CSMD1: variants seen among roughly 807,000 people sequenced by gnomAD.
CSMD1 encodes the protein CUB and sushi domain-containing protein 1.
In CSMD1, 213 loss-of-function variants were observed where a neutral mutation model predicts 417.5. The ratio of observed to expected loss-of-function variants is 0.51; its 90% confidence interval spans 0.46 to 0.57. CSMD1 has a LOEUF of 0.57. Ranked by LOEUF, CSMD1 falls within the 20% of genes least tolerant of loss-of-function variation. CSMD1 has a pLI of 0.00. For synonymous variants in CSMD1, 2,862 were observed against 1,736.8 expected, an observed-to-expected ratio of 1.65 and a Z score of -16.11; for missense variants, 6,923 against 4,529.7, an observed-to-expected ratio of 1.53 and a Z score of -15.17.
chr8:4,653,367 T>G (rs1412248884), intron 1 of CSMD1, among the ~76,000 whole-genome samples: 1 of 152,156 alleles, frequency 6.6e-6, no homozygotes, highest in Non-Finnish European at 1.5e-5. Context: ...CTTTCCGTGC[T>G]GCAGTAGAAA....
intron 1 of CSMD1, among the ~76,000 whole-genome samples, chr8:4,904,867 G>A (rs974760428): frequency 5.9e-5 from 9 of 152,026 alleles, no homozygotes; most frequent in Non-Finnish European, 1.0e-4. Flanking sequence ...ACTACCTTTC[G>A]GGACTGTATT....
chr8:4,257,206 G>GA (rs56194073), intron 3 of CSMD1, among the ~76,000 whole-genome samples: 152,140 of 152,296 alleles, frequency 1, 75,992 homozygotes, highest in Non-Finnish European at 1. Context: ...TTAAGCATGA[G>GA]AGTTTTATTG....
intron 1 of CSMD1, among the ~76,000 whole-genome samples, chr8:4,783,690 G>A (rs138661463): frequency 0.012 from 1,825 of 152,270 alleles, 19 homozygotes; most frequent in South Asian, 0.042. Context: ...CCTGTACTCA[G>A]AAGGGTGTCA....
At chr8:4,251,124 A>AT (rs906323363) in intron 3 of CSMD1, among the ~76,000 whole-genome samples, 6 of 152,152 alleles carry the variant, frequency 3.9e-5, no homozygotes, top group Non-Finnish European at 5.9e-5. Flanking sequence ...CCTATAAATC[A>AT]TTTTTTTAAA....
At chr8:4,041,266 C>T (rs906763179) in intron 3 of CSMD1, among the ~76,000 whole-genome samples, 8 of 148,646 alleles carry the variant, frequency 5.4e-5, no homozygotes, top group African/African-American at 2.0e-4. Flanking sequence ...ATCCGCCCGC[C>T]TCGGCCTCCC....
In CSMD1 at chr8:4,617,799, T is replaced by C. The variant is rs760067899; in HGVS notation, c.302+19543A>G. Among the ~76,000 whole-genome samples the C allele has an allele frequency of 3.9e-5, 6 of 152,218 alleles. No homozygotes were observed. In the East Asian group the frequency reaches 9.7e-4, roughly 24 times the overall value. On this transcript the variant is annotated intron_variant, in intron 2 of 69. Coordinates refer to ENST00000635120, the MANE Select transcript of CSMD1 (RefSeq NM_033225.6). ...GTGAGTTATTTGCTTGCTCATATGT[T>C]AAATTTTTTATCTCCCTCCTCCATG...
chr8:4,250,009 A>T (rs996177183), intron 3 of CSMD1, among the ~76,000 whole-genome samples: 23 of 152,252 alleles, frequency 1.5e-4, no homozygotes, highest in African/African-American at 5.3e-4. Context: ...TGTTTAGGTC[A>T]TAAGGGCTCT....
chr8:4,086,065 A>G (rs1412260483), intron 3 of CSMD1, among the ~76,000 whole-genome samples: 1 of 152,238 alleles, frequency 6.6e-6, no homozygotes, highest in South Asian at 2.1e-4. Flanking sequence ...AAGTATCAAC[A>G]AACGTATTTT....
At chr8:4,466,031 A>G (rs1800146435) in intron 2 of CSMD1, among the ~76,000 whole-genome samples, 1 of 152,238 alleles carries the variant, frequency 6.6e-6, no homozygotes, top group South Asian at 2.1e-4. Context: ...GGATTGACAA[A>G]TTACTTTTAT....
At chr8:4,335,491 T>C (rs961824706) in intron 3 of CSMD1, among the ~76,000 whole-genome samples, 1 of 152,088 alleles carries the variant, frequency 6.6e-6, no homozygotes, top group Non-Finnish European at 1.5e-5. Context: ...AATACAAATG[T>C]CCTGAACAAA....
chr8:4,300,517 T>C (rs975726702), intron 3 of CSMD1, among the ~76,000 whole-genome samples: 1 of 152,190 alleles, frequency 6.6e-6, no homozygotes, highest in African/African-American at 2.4e-5. Context: ...GGAAATGTCC[T>C]TTACAGACTT....
chr8:3,178,936 T>A (rs190110657), intron 37 of CSMD1, among the ~76,000 whole-genome samples: 97 of 149,586 alleles, frequency 6.5e-4, no homozygotes, highest in African/African-American at 2.3e-3. Flanking sequence ...ATACTTTCTA[T>A]AATCTATATT....
intron 3 of CSMD1, among the ~76,000 whole-genome samples, chr8:4,371,266 T>C (rs1802378755): frequency 6.6e-6 from 1 of 152,120 alleles, no homozygotes. Context: ...TGGCTTCTAG[T>C]CCCTTGAGGA....
intron 4 of CSMD1, among the ~76,000 whole-genome samples, chr8:4,009,684 T>C (rs1203680803): frequency 6.6e-6 from 1 of 152,140 alleles, no homozygotes; most frequent in Non-Finnish European, 1.5e-5. Context: ...GGAGATATTA[T>C]TGAGGAAGGA....
At chr8:3,045,404 G>A (rs1811369390) in intron 50 of CSMD1, among the ~76,000 whole-genome samples, 1 of 151,940 alleles carries the variant, frequency 6.6e-6, no homozygotes, top group Non-Finnish European at 1.5e-5. Context: ...AAAAAAAATA[G>A]GTATAAGTGA....
intron 1 of CSMD1, among the ~76,000 whole-genome samples, chr8:4,894,266 T>G (rs1804327175): frequency 6.6e-6 from 1 of 152,072 alleles, no homozygotes; most frequent in African/African-American, 2.4e-5. Context: ...ACCTATCAAG[T>G]CTTTTGTTTT....
At chr8:4,113,097 T>C (rs1801943461) in intron 3 of CSMD1, among the ~76,000 whole-genome samples, 1 of 152,162 alleles carries the variant, frequency 6.6e-6, no homozygotes, top group Non-Finnish European at 1.5e-5. Context: ...CTTAAATGAT[T>C]AATGTGGTGT....
intron 2 of CSMD1, among the ~76,000 whole-genome samples, chr8:4,622,411 G>A (rs193121046): frequency 4.6e-5 from 7 of 152,154 alleles, no homozygotes; most frequent in South Asian, 2.1e-4. Flanking sequence ...CGAGCTACCC[G>A]ATGGGGTGAC....
At chr8:4,177,975 A>G (rs1798145681) in intron 3 of CSMD1, among the ~76,000 whole-genome samples, 1 of 152,168 alleles carries the variant, frequency 6.6e-6, no homozygotes, top group Admixed American at 6.5e-5. Context: ...GATCATATGG[A>G]CTCACAGCCA....
Sources: allele counts gnomAD v4.1 joint callset (sites outside exome capture counted in the v4.1 genomes callset), GRCh38; gene constraint gnomAD v4.1.1; transcripts MANE v1.5; gene names NCBI Gene and HGNC (gene_info 2026-07-23, HGNC 2026-07-21).